Variants in BARD1 observed in about 807,000 individuals in gnomAD.
BARD1 encodes the protein BRCA1 associated RING domain 1.
In BARD1, 73 loss-of-function variants were observed where a neutral mutation model predicts 77.0. That is an observed-to-expected ratio of 0.95 (90% CI 0.79 to 1.15). The LOEUF is 1.15. Among genes scored for constraint, BARD1 ranks in the 50% most tolerant of loss-of-function variants. The pLI is 0.00. For synonymous variants in BARD1, 384 were observed against 338.0 expected (o/e 1.14, Z -1.49); for missense variants, 993 against 938.8 (o/e 1.06, Z -0.75).
Position 214,745,830 on chromosome 2 carries a change from C to T in BARD1, c.1702G>A (p.Gly568Arg). The stretch of plus-strand genomic sequence containing the variant: ...CCACTGCCTATAAGTACAAGAGGTC[C>T]ATCCCTACGCTGCCCAGTGTTCATC... The part of the protein sequence containing the change: ...SVMNTGQRRD[G>R]PLVLIGSGLS... The change falls in exon 8 of 11, where the codon GGA (glycine) becomes AGA (arginine). Residue 568 changes from glycine to arginine, a missense_variant. Gly to Arg is a moderately radical substitution (Grantham distance 125). Coordinates refer to ENST00000260947, the MANE Select transcript of BARD1 (RefSeq NM_000465.4). The T allele has an allele frequency of 6.2e-7, 1 of 1,614,032 alleles. No individual in the cohort carries two copies. The highest frequency in any genetic ancestry group is 1.3e-5 in the African/African-American group (1 of 75,044).
At chr2:214,758,470 T>A (rs1334410058) in intron 6 of BARD1, among the ~76,000 whole-genome samples, 1 of 152,210 alleles carries the variant, frequency 6.6e-6, no homozygotes, top group African/African-American at 2.4e-5. Flanking sequence ...AGCATTAACC[T>A]CATATCTTCA....
At chr2:214,743,677 G>A (rs141160386) in intron 9 of BARD1, among the ~76,000 whole-genome samples, 1,893 of 144,594 alleles carry the variant, frequency 0.013, 15 homozygotes, top group Non-Finnish European at 0.021. Context: ...TCCACCTCCC[G>A]GGGTCAAGTG....
intron 6 of BARD1, among the ~76,000 whole-genome samples, chr2:214,763,567 T>C (rs1032642211): frequency 6.6e-6 from 1 of 152,152 alleles, no homozygotes; most frequent in Non-Finnish European, 1.5e-5. Flanking sequence ...AAAAAGGACT[T>C]TACTTCTTCA....
At chr2:214,799,998 T>A (rs1263988853) in intron 1 of BARD1, among the ~76,000 whole-genome samples, 1 of 152,234 alleles carries the variant, frequency 6.6e-6, no homozygotes, top group Non-Finnish European at 1.5e-5. Context: ...TATTTCAGCA[T>A]TTCCTTAGCT....
rs527878051 is a variant in BARD1, at chr2:214,736,139, A to G, written c.1904-5631T>C. Among the ~76,000 whole-genome samples the G allele has an allele frequency of 5.3e-5, 8 of 152,156 alleles. No homozygotes were observed. In the East Asian group the frequency reaches 1.5e-3, roughly 29 times the overall value. ...AAAAAAGGCATAAATTTTAATAACC[A>G]CTCACTGAATTAAAAACCTTTCTAA... On this transcript the variant is annotated intron_variant, in intron 9 of 10. Transcript: ENST00000260947.
At position 214,781,230 on chromosome 2, in the gene BARD1, T is replaced by C. The variant is rs774929973; in HGVS notation, c.644A>G (p.Asn215Ser). Residue 215 changes from asparagine to serine, a missense_variant, in exon 4 of 11, where the codon AAC (asparagine) becomes AGC (serine). By Grantham distance (46) the Asn-to-Ser change is conservative (BLOSUM62 1). Transcript: ENST00000260947. Reference sequence around the variant, plus strand: ...TTCTGCCTCTAAATTCCATTTTTGGTTGATTTCAGCTAAAGTTTTCTTTTT... The same window carrying C: ...TTCTGCCTCTAAATTCCATTTTTGGCTGATTTCAGCTAAAGTTTTCTTTTT... ...KQKKKTLAEI[N>S]QKWNLEAEKE... 2.3e-5 allele frequency: 37 copies of C among 1,594,960 alleles called. No individual in the cohort carries two copies. Among genetic ancestry groups the C allele is most frequent in the Non-Finnish European group, 3.1e-5 (37 of 1,175,508 alleles).
intron 6 of BARD1, among the ~76,000 whole-genome samples, chr2:214,756,277 T>C (rs1463880603): frequency 1.3e-5 from 2 of 152,106 alleles, no homozygotes; most frequent in African/African-American, 4.8e-5. Context: ...CAAAACCATA[T>C]TGATACCACC....
chr2:214,727,160 AG>A lies in BARD1; in HGVS notation c.*1515del, dbSNP rs921582558. 2.7e-5 allele frequency: 6 copies of A among 219,490 alleles called. No homozygotes were observed. The highest frequency in any genetic ancestry group is 1.1e-4 in the African/African-American group (5 of 44,724). The allele number at this position is 219,490 out of a possible 1,614,324, so 13.6% of individuals were successfully genotyped here. A position where few individuals can be genotyped will look rare whatever the true frequency, so the allele number is the denominator to read the frequency against. ...TGTTTCAGAGCTAATTCACCCAGCA[AG>A]GTCAGGGTCAAAAGGTTATTATTTT... is the stretch of plus-strand genomic sequence containing the variant. On this transcript the variant is annotated 3_prime_UTR_variant, in exon 11 of 11. Coordinates refer to ENST00000260947, the MANE Select transcript of BARD1 (RefSeq NM_000465.4).
At position 214,780,634 on chromosome 2, in the gene BARD1, T is replaced by C. The variant is rs759601398; in HGVS notation, c.1240A>G (p.Met414Val). The C allele has an allele frequency of 4.3e-6, 7 of 1,614,112 alleles. No homozygotes were observed. The highest frequency in any genetic ancestry group is 2.2e-5 in the East Asian group (1 of 44,878). Residue 414 changes from methionine to valine, a missense_variant, in exon 4 of 11, where the codon ATG (methionine) becomes GTG (valine). Physicochemically the swap from Met to Val is conservative, Grantham distance 21. Transcript: ENST00000260947. ...ACAGCCATATTGGGCAACAGCTTCA[T>C]TGCTGAGGGACTAGACATCACTCGC... is the stretch of plus-strand genomic sequence containing the variant. ...YRRVMSSPSA[M>V]KLLPNMAVKR...
intron 9 of BARD1, among the ~76,000 whole-genome samples, chr2:214,743,875 T>G (rs776194830): frequency 6.6e-6 from 1 of 152,226 alleles, no homozygotes; most frequent in Non-Finnish European, 1.5e-5. Context: ...TCACTGGTTA[T>G]AAATGCACTT....
At position 214,763,217 on chromosome 2, in the gene BARD1, GTTC is replaced by G. The variant is rs560065205; in HGVS notation, c.1568+4262_1568+4264del. On this transcript the variant is annotated intron_variant, in intron 6 of 10. Coordinates refer to ENST00000260947, the MANE Select transcript of BARD1 (RefSeq NM_000465.4). ...CCGTTCTATTTTTTCAAAACTCGAA[GTTC>G]TTCTTCTTCCAGAAAGCCTTCTGTG... Among the ~76,000 whole-genome samples, 245 of 152,174 alleles carry G rather than the reference GTTC, an allele frequency of 1.6e-3. 8 individuals are homozygous for G. The South Asian group carries it at 0.043, about 26-fold the overall frequency.
chr2:214,795,529 A>C (rs79755801), intron 2 of BARD1, among the ~76,000 whole-genome samples: 8,492 of 152,212 alleles, frequency 0.056, 427 homozygotes, highest in African/African-American at 0.14. Context: ...TTCAAAGATC[A>C]CTGTCAAGAA....
At chr2:214,758,310 C>T (rs868447160) in intron 6 of BARD1, among the ~76,000 whole-genome samples, 57 of 152,168 alleles carry the variant, frequency 3.7e-4, no homozygotes, top group Middle Eastern at 3.4e-3. Context: ...GGATTGTTGC[C>T]AGAATCAAAT....
intron 1 of BARD1, among the ~76,000 whole-genome samples, chr2:214,806,640 G>A (rs1020950281): frequency 6.6e-6 from 1 of 152,168 alleles, no homozygotes; most frequent in Non-Finnish European, 1.5e-5. Flanking sequence ...TTGGGAGGCT[G>A]AAGTGGGCGG....
Position 214,793,551 on chromosome 2 carries a change from T to C in BARD1, c.216-1106A>G, listed in dbSNP as rs370327086. On this transcript the variant is annotated intron_variant, in intron 2 of 10. Coordinates refer to ENST00000260947, the MANE Select transcript of BARD1 (RefSeq NM_000465.4). ...CTGATTACTCATGCAATTTAAATCA[T>C]TTGTGCAATACTTAATTATCAGTAA... 2.6e-5 allele frequency among the ~76,000 whole-genome samples: 4 copies of C among 152,288 alleles called. No homozygotes were observed. In the East Asian group the frequency reaches 5.8e-4, roughly 22 times the overall value.
At chr2:214,765,637 CA>C (rs1353483865) in intron 6 of BARD1, among the ~76,000 whole-genome samples, 14 of 152,122 alleles carry the variant, frequency 9.2e-5, no homozygotes, top group African/African-American at 3.4e-4. Flanking sequence ...CTGACCCAAG[CA>C]ATAATTTGCG....
At chr2:214,753,301 C>G (rs1693544251) in intron 6 of BARD1, among the ~76,000 whole-genome samples, 1 of 152,086 alleles carries the variant, frequency 6.6e-6, no homozygotes, top group Non-Finnish European at 1.5e-5. Flanking sequence ...TAAAGTCTTT[C>G]AATTATAAGT....
intron 9 of BARD1, among the ~76,000 whole-genome samples, chr2:214,735,041 C>A (rs1692513495): frequency 6.6e-6 from 1 of 152,130 alleles, no homozygotes; most frequent in Admixed American, 6.5e-5. Flanking sequence ...CAATACTTAA[C>A]TTTGTTTTAT....
chr2:214,782,527 A>G (rs1381581582), intron 3 of BARD1, among the ~76,000 whole-genome samples: 5 of 151,900 alleles, frequency 3.3e-5, no homozygotes, highest in Non-Finnish European at 7.4e-5. Flanking sequence ...TAGATTTATA[A>G]TCAAGAATTA....
Sources: gnomAD v4.1 joint callset for allele counts (sites outside exome capture counted in the v4.1 genomes callset) on GRCh38, gnomAD v4.1.1 for gene constraint, MANE v1.5 for transcripts, NCBI Gene and HGNC (gene_info 2026-07-23, HGNC 2026-07-21) for gene names.